Variants in MTFP1 observed in about 807,000 individuals in gnomAD.
MTFP1 encodes mitochondrial fission process protein 1.
MTFP1 carries 19 observed loss-of-function variants against 17.1 expected under a neutral mutation model. The ratio of observed to expected loss-of-function variants is 1.11; its 90% CI spans 0.77 to 1.63. MTFP1 has a LOEUF of 1.63. Among genes scored for constraint, MTFP1 ranks in the 40% most tolerant of loss-of-function variants. The pLI is 0.00. For synonymous variants in MTFP1, 89 were observed against 95.2 expected (o/e 0.93, Z 0.38); for missense variants, 221 against 226.2 (o/e 0.98, Z 0.15).
Position 30,426,018 on chromosome 22 carries a change from G to A in MTFP1, c.67+72G>A, listed in dbSNP as rs575056198. On this transcript the variant is annotated intron_variant, in intron 1 of 3. Transcript: ENST00000266263. The stretch of plus-strand genomic sequence containing the variant: ...GAGAAGCAGGGGTCGCCGGACGCCC[G>A]CCCGGGGCCTGGAGGAGGCGGGATG... 7.5e-5 allele frequency: 101 copies of A among 1,349,354 alleles called. 1 individual carries two copies. In the African/African-American group the frequency reaches 1.3e-3, roughly 17 times the overall value. The allele number at this position is 1,349,354 out of a possible 1,614,324, so 83.6% of individuals were successfully genotyped here.
Position 30,428,450 on chromosome 22 carries a change from C to T in MTFP1, c.429-12C>T, listed in dbSNP as rs1934708023. On this transcript the variant is annotated splice_polypyrimidine_tract_variant and intron_variant, in intron 3 of 3. Coordinates refer to ENST00000266263, the MANE Select transcript of MTFP1 (RefSeq NM_016498.5). ...CTTGGTCACCTGCTCACCACCCTTC[C>T]ACTCCCTACAGGTCGGTGGATTTCC... The T allele has an allele frequency of 1.2e-6, 2 of 1,613,010 alleles. No homozygotes were observed. The highest frequency in any genetic ancestry group is 1.1e-5 in the South Asian group (1 of 91,052).
At position 30,427,291 on chromosome 22, in the gene MTFP1, G is replaced by C; in HGVS notation, c.316G>C (p.Ala106Pro). The stretch of plus-strand genomic sequence containing the variant: ...CTTCACCATCAACCGCGTGTGTGCT[G>C]CCTCTCTCTATGTCCTGGGCACTGC... Reference protein sequence around the residue: ...PGFTINRVCAASLYVLGTATR... With the variant: ...PGFTINRVCAPSLYVLGTATR... The change falls in exon 3 of 4, where the codon GCC becomes CCC. Residue 106 changes from alanine to proline, a missense_variant. Ala to Pro is a conservative substitution (Grantham distance 27, BLOSUM62 -1). Transcript: ENST00000266263. The C allele has an allele frequency of 6.2e-7, 1 of 1,614,056 alleles. No homozygotes were observed. The highest frequency in any genetic ancestry group is 8.5e-7 in the Non-Finnish European group (1 of 1,180,040).
At position 30,429,023 on chromosome 22, in the gene MTFP1, C is replaced by T. The variant is rs992082069; in HGVS notation, c.*489C>T. 6 of 291,694 alleles carry T rather than the reference C, an allele frequency of 2.1e-5. No homozygotes were observed. Among genetic ancestry groups the T allele is most frequent in the Non-Finnish European group, 2.6e-5 (4 of 151,370 alleles). The allele number at this position is 291,694 out of a possible 1,614,324, so 18.1% of individuals were successfully genotyped here. On this transcript the variant is annotated 3_prime_UTR_variant, in exon 4 of 4. Transcript: ENST00000266263. ...CTCAGGACAGATTCTCTGGCCAGGC[C>T]CTTCCCTGACCCAATAAATCCTGAA...
rs1237200834 is a variant in MTFP1, at chr22:30,427,285, T to A, written c.310T>A (p.Cys104Ser). ...AIPGFTINRV[C>S]AASLYVLGTA... The stretch of plus-strand genomic sequence containing the variant: ...TCCGGGCTTCACCATCAACCGCGTG[T>A]GTGCTGCCTCTCTCTATGTCCTGGG... The change falls in exon 3 of 4, where the codon TGT (cysteine) becomes AGT (serine). Residue 104 changes from cysteine (C) to serine (S), a missense_variant. Cys to Ser is a moderately radical substitution (Grantham distance 112). Transcript: ENST00000266263. The A allele has an allele frequency of 6.2e-7, 1 of 1,614,010 alleles. No individual in the cohort carries two copies. Among genetic ancestry groups the A allele is most frequent in the Non-Finnish European group, 8.5e-7 (1 of 1,180,050 alleles).
chr22:30,427,089 C>T (rs745399496), intron 2 of MTFP1, 82 bp from the exon 3 acceptor site: 56 of 1,504,186 alleles, frequency 3.7e-5, no homozygotes, highest in South Asian at 9.1e-5. Context: ...GCCACTTGCC[C>T]CTCCCGGTCT....
At chr22:30,427,592 G>A (rs985774352) in intron 3 of MTFP1, among the ~76,000 whole-genome samples, 189 bp downstream of exon 3, 1 of 152,186 alleles carries the variant, frequency 6.6e-6, no homozygotes, top group African/African-American at 2.4e-5. Flanking sequence ...ATATGGTATG[G>A]CAGGCACTTT....
rs945137425 is a variant in MTFP1 at position 30,426,570 on chromosome 22, A to T, written c.68-147A>T. 19 of 1,081,732 alleles carry T rather than the reference A, an allele frequency of 1.8e-5. No homozygotes were observed. The Admixed American group carries it at 3.5e-4, about 20-fold the overall frequency. The allele number at this position is 1,081,732 out of a possible 1,614,324, so 67.0% of individuals were successfully genotyped here. ...GGTGGGCATCATGGCACCAGTTTAC[A>T]TCTCGGAAAGGGAGGCTCAGAGAGG... On this transcript the variant is annotated intron_variant, in intron 1 of 3. Coordinates refer to ENST00000266263, the MANE Select transcript of MTFP1 (RefSeq NM_016498.5).
At chr22:30,426,457 C>T (rs1934670344) in intron 1 of MTFP1, among the ~76,000 whole-genome samples, 1 of 152,142 alleles carries the variant, frequency 6.6e-6, no homozygotes, top group African/African-American at 2.4e-5. Flanking sequence ...AGTGCAGTTA[C>T]TCCTGGGACC....
Position 30,427,328 on chromosome 22 carries a change from C to T in MTFP1, c.353C>T (p.Pro118Leu). ...LYVLGTATRW[P>L]LAVRKWTTTA... ...GTCCTGGGCACTGCCACCCGCTGGC[C>T]CCTGGCTGTCCGCAAGTGGACCACC... The change falls in exon 3 of 4, where the codon CCC (proline) becomes CTC (leucine). Residue 118 changes from proline to leucine, a missense_variant. Transcript: ENST00000266263. 6.2e-7 allele frequency: 1 copy of T among 1,614,102 alleles called. No homozygotes were observed.
In MTFP1 at chr22:30,428,774, G is replaced by A. The variant is rs1934715420; in HGVS notation, c.*240G>A. On this transcript the variant is annotated 3_prime_UTR_variant, in exon 4 of 4. Coordinates refer to ENST00000266263, the MANE Select transcript of MTFP1 (RefSeq NM_016498.5). Reference sequence around the variant, plus strand: ...GAATCCAAGATGCTGAGTGGAAGTGGACCCTGGGTGGGCCCGGCCCTGTCT... The same window carrying A: ...GAATCCAAGATGCTGAGTGGAAGTGAACCCTGGGTGGGCCCGGCCCTGTCT... 8.6e-7 allele frequency: 1 copy of A among 1,166,628 alleles called. No individual in the cohort carries two copies. The highest frequency in any genetic ancestry group is 1.9e-5 in the Admixed American group (1 of 51,458). The allele number at this position is 1,166,628 out of a possible 1,614,324, so 72.3% of individuals were successfully genotyped here.
chr22:30,428,261 A>C (rs1396525856), intron 3 of MTFP1, among the ~76,000 whole-genome samples: 3 of 152,218 alleles, frequency 2.0e-5, no homozygotes, highest in African/African-American at 7.2e-5. Flanking sequence ...AATAAAGAAG[A>C]GGATGGCTTC....
chr22:30,426,243 C>G (rs1934666216), intron 1 of MTFP1, among the ~76,000 whole-genome samples: 1 of 152,154 alleles, frequency 6.6e-6, no homozygotes, highest in South Asian at 2.1e-4. Flanking sequence ...CGCACTGGCT[C>G]TGTCTGAACC....
chr22:30,426,021 C>A, intron 1 of MTFP1, 75 bp downstream of exon 1: 1 of 1,336,486 alleles, frequency 7.5e-7, no homozygotes. Context: ...GACGCCCGCC[C>A]GGGGCCTGGA....
intron 3 of MTFP1, 71 bp from the exon 4 acceptor site, chr22:30,428,391 C>A: frequency 2.9e-6 from 4 of 1,389,408 alleles, no homozygotes; most frequent in Non-Finnish European, 4.0e-6. Flanking sequence ...TTCCCTAACC[C>A]TGGCCTTCTG....
At chr22:30,427,031 T>G in intron 2 of MTFP1, 140 bp from the exon 3 acceptor site, 1 of 1,350,370 alleles carries the variant, frequency 7.4e-7, no homozygotes, top group Non-Finnish European at 1.1e-6. Context: ...CTCCCCGAAC[T>G]GGATGTGGCA....
chr22:30,426,752 C>T lies in MTFP1; in HGVS notation c.103C>T (p.Leu35Phe). The T allele has an allele frequency of 6.2e-7, 1 of 1,614,160 alleles. No homozygotes were observed. Among genetic ancestry groups the T allele is most frequent in the East Asian group, 2.2e-5 (1 of 44,888 alleles). The change falls in exon 2 of 4, where the codon CTT becomes TTT. Residue 35 changes from leucine to phenylalanine, a missense_variant. Physicochemically the swap from Leu to Phe is conservative, Grantham distance 22. Transcript: ENST00000266263. ...ANEVGEAFRS[L>F]VPAAVVWLSY... ...TGAGGTGGGCGAGGCTTTCCGCTCT[C>T]TTGTGCCAGCGGCGGTGGTGTGGCT...
chr22:30,428,363 C>T, intron 3 of MTFP1, 99 bp from the exon 4 acceptor site: 2 of 999,032 alleles, frequency 2.0e-6, no homozygotes, highest in South Asian at 3.1e-5. Flanking sequence ...CATTTGTATC[C>T]TGCATCTAAG....
intron 1 of MTFP1, among the ~76,000 whole-genome samples, chr22:30,426,359 A>AGC (rs1318698160): frequency 6.6e-6 from 1 of 152,192 alleles, no homozygotes; most frequent in African/African-American, 2.4e-5. Context: ...AATGGGATAA[A>AGC]GCGCAGAAAG....
Position 30,425,943 on chromosome 22 carries a change from C to T in MTFP1, c.64C>T (p.Leu22=). The stretch of plus-strand genomic sequence containing the variant: ...CTACCGGGACACGTGGGTGCGATAC[C>T]TGGGTGAGCGCGGGGCGACGGGCGC... ...DLYRDTWVRY[L]GYANEVGEAF... The change falls in exon 1 of 4, where the codon CTG becomes TTG. Residue 22 remains leucine, a synonymous_variant. Transcript: ENST00000266263. The T allele has an allele frequency of 6.6e-7, 1 of 1,519,680 alleles. No individual in the cohort carries two copies. Among genetic ancestry groups the T allele is most frequent in the Non-Finnish European group, 8.8e-7 (1 of 1,133,496 alleles). The allele number at this position is 1,519,680 out of a possible 1,614,324, so 94.1% of individuals were successfully genotyped here.
Sources: gnomAD v4.1 joint callset for allele counts (sites outside exome capture counted in the v4.1 genomes callset) on GRCh38, gnomAD v4.1.1 for gene constraint, MANE v1.5 for transcripts, NCBI Gene and HGNC (gene_info 2026-07-23, HGNC 2026-07-21) for gene names.